Variants in TIMM44 observed in about 807,000 individuals in gnomAD.
TIMM44 encodes the protein mitochondrial import inner membrane translocase subunit TIM44.
TIMM44 carries 37 observed loss-of-function variants against 63.8 expected under a neutral mutation model. The ratio of observed to expected loss-of-function variants is 0.58; its 90% confidence interval spans 0.45 to 0.76. The LOEUF is 0.76. Ranked by LOEUF, TIMM44 falls within the 30% of genes least tolerant of loss-of-function variation. TIMM44 has a pLI of 0.00. For missense variants in TIMM44, 573 were observed against 603.8 expected, an observed-to-expected ratio of 0.95 and a Z score of 0.54; for synonymous variants, 239 against 245.1, an observed-to-expected ratio of 0.98 and a Z score of 0.23.
chr19:7,926,982 CCCTGCGGGGGAGTGTCT>C lies in TIMM44; in HGVS notation c.*188_*204del, dbSNP rs879869502. On this transcript the variant is annotated 3_prime_UTR_variant, in exon 13 of 13. Coordinates refer to ENST00000270538, the MANE Select transcript of TIMM44 (RefSeq NM_006351.4). ...GGCAGAGCAACAGGGCAGGGGTTGG[CCCTGCGGGGGAGTGTCT>C]CCAGCTGCCGCGCACCCGCAACAGC... 6.2e-4 allele frequency: 422 copies of C among 683,234 alleles called. No individual in the cohort carries two copies. The highest frequency in any genetic ancestry group is 9.8e-4 in the Non-Finnish European group (399 of 407,822). 42.3% of individuals were successfully genotyped at this position (683,234 alleles called of 1,614,324 possible). A position where few individuals can be genotyped will look rare whatever the true frequency, so the allele number is the denominator to read the frequency against.
At chr19:7,936,256 G>A (rs140452823) in intron 3 of TIMM44, among the ~76,000 whole-genome samples, 1 of 152,174 alleles carries the variant, frequency 6.6e-6, no homozygotes, top group East Asian at 1.9e-4. Flanking sequence ...TTCAACACCA[G>A]CCTGGCCAAA....
At position 7,934,273 on chromosome 19, in the gene TIMM44, C is replaced by G. The variant is rs200261707; in HGVS notation, c.394-35G>C. The G allele has an allele frequency of 6.2e-7, 1 of 1,607,164 alleles. No individual in the cohort carries two copies. The highest frequency in any genetic ancestry group is 1.3e-5 in the African/African-American group (1 of 75,056). On this transcript the variant is annotated intron_variant, in intron 4 of 12. Transcript: ENST00000270538. The surrounding 1 kb of genome is among the most constrained non-coding windows in gnomAD (Gnocchi z 5.3). ...CAGACACAGAGAGGGGGCGTTGGCACCGGCCCTGGCGGCCGGGGGGCGGGG... is the reference window on the plus strand; with the variant it reads ...CAGACACAGAGAGGGGGCGTTGGCAGCGGCCCTGGCGGCCGGGGGGCGGGG...
At chr19:7,927,616 G>A (rs2145170128) in intron 12 of TIMM44, 41 bp downstream of exon 12, 2 of 1,574,972 alleles carry the variant, frequency 1.3e-6, no homozygotes, top group Middle Eastern at 1.7e-4. Context: ...CTTGGGGACA[G>A]GCGGTGTCAT....
At chr19:7,928,801 T>C (rs1239768303) in intron 10 of TIMM44, 1 of 151,868 alleles carries the variant, frequency 6.6e-6, no homozygotes, top group Non-Finnish European at 1.5e-5. Flanking sequence ...AAGGTGACAT[T>C]TTAAAAACAC....
chr19:7,943,451 CCT>C lies in TIMM44; in HGVS notation c.45+154_45+155del, dbSNP rs927466115. 3.3e-5 allele frequency among the ~76,000 whole-genome samples: 5 copies of C among 152,198 alleles called. No individual in the cohort carries two copies. The highest frequency in any genetic ancestry group is 7.2e-5 in the African/African-American group (3 of 41,460). ...CGCCCTCAGGCCACGCTCTGTGCCC[CCT>C]GTCCTGGCCTCTGCTACCCAAAGAT... On this transcript the variant is annotated intron_variant, in intron 1 of 12. Transcript: ENST00000270538. This position sits in a 1 kb window ranked among gnomAD's most constrained non-coding sequence, Gnocchi z 4.3.
intron 10 of TIMM44, among the ~76,000 whole-genome samples, chr19:7,929,651 T>G (rs945899824): frequency 6.6e-6 from 1 of 151,946 alleles, no homozygotes; most frequent in African/African-American, 2.4e-5. Flanking sequence ...GCCTGGGAAG[T>G]GGGATGGGTG....
At chr19:7,940,596 C>T (rs534165341) in intron 2 of TIMM44, among the ~76,000 whole-genome samples, 15 of 152,124 alleles carry the variant, frequency 9.9e-5, no homozygotes, top group African/African-American at 3.1e-4. Context: ...ACGCGCTGCC[C>T]GAATGTACAG....
intron 3 of TIMM44, among the ~76,000 whole-genome samples, chr19:7,936,016 T>C (rs1034953035): frequency 6.6e-6 from 1 of 152,068 alleles, no homozygotes; most frequent in African/African-American, 2.4e-5. Context: ...TAGCCAGGCG[T>C]GGTATCCCAT....
intron 3 of TIMM44, among the ~76,000 whole-genome samples, chr19:7,936,240 CAGG>C (rs904992584): frequency 5.9e-5 from 9 of 152,168 alleles, no homozygotes; most frequent in African/African-American, 2.2e-4. Flanking sequence ...CACCTGAGGT[CAGG>C]AGTTCAACAC....
intron 3 of TIMM44, 21 bp from the exon 4 acceptor site, chr19:7,935,166 C>CATT: frequency 6.9e-7 from 1 of 1,453,858 alleles, no homozygotes; most frequent in Non-Finnish European, 9.2e-7. Flanking sequence ...AGCGCTGTGT[C>CATT]CTTTTTTTTT....
intron 2 of TIMM44, among the ~76,000 whole-genome samples, chr19:7,938,643 C>T (rs1033728503): frequency 6.6e-5 from 10 of 152,068 alleles, no homozygotes; most frequent in African/African-American, 9.7e-5. Flanking sequence ...CTCATCTCTA[C>T]TAAAAATGCA....
chr19:7,931,070 G>C, intron 10 of TIMM44, 68 bp downstream of exon 10: 1 of 1,509,486 alleles, frequency 6.6e-7, no homozygotes, highest in Middle Eastern at 1.7e-4. Flanking sequence ...AGCCACCGAA[G>C]TGGAACTTCT....
In TIMM44 at chr19:7,943,629, C is replaced by A. The variant is rs879936066; in HGVS notation, c.23G>T (p.Ser8Ile). 6.4e-7 allele frequency: 1 copy of A among 1,570,580 alleles called. No homozygotes were observed. Among genetic ancestry groups the A allele is most frequent in the Non-Finnish European group, 8.6e-7 (1 of 1,165,296 alleles). Residue 8 changes from serine (S) to isoleucine (I), a missense_variant, in exon 1 of 13, where the codon AGT becomes ATT. By Grantham distance (142) the Ser-to-Ile change is moderately radical. Transcript: ENST00000270538. The surrounding 1 kb of genome is among the most constrained non-coding windows in gnomAD (Gnocchi z 4.3). ...CACCCGTGGACAGCGGCACCAGCCA[C>A]TCCGCAGGGCCGCCGCCGCCATGTT... MAAAALR[S>I]GWCRCPRRCL... is the part of the protein sequence containing the mutation.
chr19:7,943,479 C>G lies in TIMM44; in HGVS notation c.45+128G>C. 2.6e-6 allele frequency: 3 copies of G among 1,164,160 alleles called. No individual in the cohort carries two copies. The highest frequency in any genetic ancestry group is 1.3e-5 in the South Asian group (1 of 75,462). 72.1% of individuals were successfully genotyped at this position (1,164,160 alleles called of 1,614,324 possible). A position where few individuals can be genotyped will look rare whatever the true frequency, so the allele number is the denominator to read the frequency against. On this transcript the variant is annotated intron_variant, in intron 1 of 12. Coordinates refer to ENST00000270538, the MANE Select transcript of TIMM44 (RefSeq NM_006351.4). This position sits in a 1 kb window ranked among gnomAD's most constrained non-coding sequence, Gnocchi z 4.3. ...GTCCTGGCCTCTGCTACCCAAAGATCTAACCCCAAGCTTTCTAAGGAGCCC... is the reference window on the plus strand; with the variant it reads ...GTCCTGGCCTCTGCTACCCAAAGATGTAACCCCAAGCTTTCTAAGGAGCCC...
intron 9 of TIMM44, chr19:7,931,904 A>C: frequency 6.5e-6 from 1 of 154,566 alleles, no homozygotes; most frequent in Admixed American, 6.4e-5. Flanking sequence ...CATCCGCACC[A>C]CCTCCCAGCC....
chr19:7,942,994 C>T (rs1234273993), intron 1 of TIMM44, among the ~76,000 whole-genome samples: 7 of 145,972 alleles, frequency 4.8e-5, no homozygotes, highest in Non-Finnish European at 4.5e-5. Flanking sequence ...GAGCCGAGAT[C>T]GCGCCATTGC....
At position 7,941,148 on chromosome 19, in the gene TIMM44, T is replaced by G. The variant is rs374638647; in HGVS notation, c.95A>C (p.His32Pro). 6.2e-7 allele frequency: 1 copy of G among 1,613,852 alleles called. No individual in the cohort carries two copies. The highest frequency in any genetic ancestry group is 1.3e-5 in the African/African-American group (1 of 74,986). ...CCGGCGCATCTGATAGGTCGACCCA[T>G]GGGGTAGGTTGTGGCTGGAAAGAAA... ...IQFLSSHNLPHGSTYQMRRPG... is the reference protein window; with the variant it reads ...IQFLSSHNLPPGSTYQMRRPG... The change falls in exon 2 of 13, where the codon CAT (histidine) becomes CCT (proline). Residue 32 changes from histidine (H) to proline (P), a missense_variant. Coordinates refer to ENST00000270538, the MANE Select transcript of TIMM44 (RefSeq NM_006351.4).
At chr19:7,935,266 A>T in intron 3 of TIMM44, 121 bp from the exon 4 acceptor site, 1 of 916,772 alleles carries the variant, frequency 1.1e-6, no homozygotes. Context: ...GCCAGATTCA[A>T]GCGATTTTCC....
chr19:7,929,160 G>T (rs1983906727), intron 10 of TIMM44, among the ~76,000 whole-genome samples: 1 of 152,142 alleles, frequency 6.6e-6, no homozygotes, highest in Non-Finnish European at 1.5e-5. Context: ...GTGAGATGAG[G>T]TGGCCTGAGG....
Sources: gnomAD v4.1 joint callset for allele counts (sites outside exome capture counted in the v4.1 genomes callset) on GRCh38, gnomAD v4.1.1 for gene constraint, Gnocchi (gnomAD v3.1) non-coding constraint, MANE v1.5 for transcripts, NCBI Gene and HGNC (gene_info 2026-07-23, HGNC 2026-07-21) for gene names.